CCDC124: variants seen among roughly 807,000 people sequenced by gnomAD.
CCDC124 encodes the protein coiled-coil domain-containing protein 124.
CCDC124 carries 9 observed loss-of-function variants against 19.8 expected under a neutral mutation model. That is an observed-to-expected ratio of 0.45 (90% CI 0.27 to 0.79). The LOEUF is 0.79. Ranked by LOEUF, CCDC124 falls within the 30% of genes least tolerant of loss-of-function variation. The pLI, the probability that CCDC124 is intolerant of heterozygous loss-of-function variation, is 0.14. For synonymous variants in CCDC124, 126 were observed against 131.3 expected (o/e 0.96, Z 0.27); for missense variants, 285 against 319.0 (o/e 0.89, Z 0.81).
intron 2 of CCDC124, among the ~76,000 whole-genome samples, chr19:17,937,998 G>T (rs952697543): frequency 1.3e-5 from 2 of 152,148 alleles, no homozygotes; most frequent in Non-Finnish European, 2.9e-5. Context: ...CTCCCAAAAT[G>T]CTGAGATCAC....
intron 2 of CCDC124, among the ~76,000 whole-genome samples, chr19:17,940,177 T>C (rs1256649477): frequency 6.6e-6 from 1 of 152,056 alleles, no homozygotes. Context: ...CCTCCCAAAG[T>C]GCTGGAATTA....
chr19:17,942,756 C>T lies in CCDC124; in HGVS notation c.260C>T (p.Pro87Leu). 1 of 1,548,766 alleles carries T rather than the reference C, an allele frequency of 6.5e-7. No homozygotes were observed. The highest frequency in any genetic ancestry group is 8.7e-7 in the Non-Finnish European group (1 of 1,146,730). Reference sequence around the variant, plus strand: ...TCCAAGCTCAAGGGCGGCAAGGCGCCGCGGGTGGCCACGTCCAGCAAGGTC... The same window carrying T: ...TCCAAGCTCAAGGGCGGCAAGGCGCTGCGGGTGGCCACGTCCAGCAAGGTC... ...EDSKLKGGKAPRVATSSKVTR... is the reference protein window; with the variant it reads ...EDSKLKGGKALRVATSSKVTR... The change falls in exon 3 of 5, where the codon CCG becomes CTG. Residue 87 changes from proline to leucine, a missense_variant. Physicochemically the swap from Pro to Leu is moderately conservative, Grantham distance 98. Coordinates refer to ENST00000445755, the MANE Select transcript of CCDC124 (RefSeq NM_001136203.2). This position sits in a 1 kb window ranked among gnomAD's most constrained non-coding sequence, Gnocchi z 4.2.
chr19:17,943,898 CCCCATCCCCT>C lies in CCDC124; in HGVS notation c.*193_*202del. 1 of 620,092 alleles carries C rather than the reference CCCCATCCCCT, an allele frequency of 1.6e-6. No individual in the cohort carries two copies. Among genetic ancestry groups the C allele is most frequent in the Non-Finnish European group, 2.8e-6 (1 of 353,708 alleles). The allele number at this position is 620,092 out of a possible 1,614,324, so 38.4% of individuals were successfully genotyped here. A position where few individuals can be genotyped will look rare whatever the true frequency, so the allele number is the denominator to read the frequency against. On this transcript the variant is annotated 3_prime_UTR_variant, in exon 5 of 5. Transcript: ENST00000445755. ...CAGAGGGTCCCTGCCCCGAGTGACA[CCCCATCCCCT>C]CCCATCCCCCGGCGCGTGTGTGTAG...
At chr19:17,936,718 C>T (rs1478195561) in intron 2 of CCDC124, 139 bp downstream of exon 2, 13 of 1,060,480 alleles carry the variant, frequency 1.2e-5, no homozygotes, top group South Asian at 5.1e-5. Context: ...CTGTCGCTCA[C>T]GCCTGTCATC....
rs1020416778 is a variant in CCDC124 at position 17,943,775 on chromosome 19, C to T, written c.*60C>T. Reference sequence around the variant, plus strand: ...GGTCCAGGTCACGACTCTGCACGCCCTTAGGCCAGGTCAGCTGCGAGGGTC... The same window carrying T: ...GGTCCAGGTCACGACTCTGCACGCCTTTAGGCCAGGTCAGCTGCGAGGGTC... On this transcript the variant is annotated 3_prime_UTR_variant, in exon 5 of 5. Coordinates refer to ENST00000445755, the MANE Select transcript of CCDC124 (RefSeq NM_001136203.2). 1 of 1,529,480 alleles carries T rather than the reference C, an allele frequency of 6.5e-7. No homozygotes were observed. Among genetic ancestry groups the T allele is most frequent in the Non-Finnish European group, 9.0e-7 (1 of 1,116,412 alleles). The allele number at this position is 1,529,480 out of a possible 1,614,324, so 94.7% of individuals were successfully genotyped here. A position where few individuals can be genotyped will look rare whatever the true frequency, so the allele number is the denominator to read the frequency against.
intron 2 of CCDC124, 166 bp downstream of exon 2, chr19:17,936,745 C>G: frequency 1.3e-6 from 1 of 768,276 alleles, no homozygotes; most frequent in Non-Finnish European, 2.0e-6. Context: ...CTTTGGGAGG[C>G]CGAGGCAGGC....
At position 17,942,081 on chromosome 19, in the gene CCDC124, G is replaced by A. The variant is rs1942743592; in HGVS notation, c.160-575G>A. ...AGCCAGCATCAGGGCTTCCCTGGGC[G>A]GCCGATGTGGAATCAGTTTCAGCCT... On this transcript the variant is annotated intron_variant, in intron 2 of 4. Transcript: ENST00000445755. The surrounding 1 kb of genome is among the most constrained non-coding windows in gnomAD (Gnocchi z 4.2). Among the ~76,000 whole-genome samples the A allele has an allele frequency of 6.6e-6, 1 of 152,126 alleles. No homozygotes were observed. The highest frequency in any genetic ancestry group is 1.5e-5 in the Non-Finnish European group (1 of 67,998).
At chr19:17,937,491 T>C (rs2031090974) in intron 2 of CCDC124, among the ~76,000 whole-genome samples, 1 of 152,074 alleles carries the variant, frequency 6.6e-6, no homozygotes, top group African/African-American at 2.4e-5. Context: ...ACTCTGCCCC[T>C]GAGGACGCTT....
At chr19:17,934,231 C>T (rs572190431) in intron 1 of CCDC124, among the ~76,000 whole-genome samples, 1 of 151,548 alleles carries the variant, frequency 6.6e-6, no homozygotes, top group South Asian at 2.1e-4. Context: ...TATAAAAATA[C>T]AAAAATTAGC....
At chr19:17,938,437 G>A (rs1013952564) in intron 2 of CCDC124, among the ~76,000 whole-genome samples, 2 of 152,124 alleles carry the variant, frequency 1.3e-5, no homozygotes, top group Non-Finnish European at 1.5e-5. Context: ...AGTAGGTGGC[G>A]CCAGTGACCC....
chr19:17,936,313 C>G lies in CCDC124; in HGVS notation c.-11-97C>G, dbSNP rs1281460580. 15 of 1,047,714 alleles carry G rather than the reference C, an allele frequency of 1.4e-5. No individual in the cohort carries two copies. In the East Asian group the frequency reaches 3.6e-4, roughly 25 times the overall value. 64.9% of individuals were successfully genotyped at this position (1,047,714 alleles called of 1,614,324 possible). A position where few individuals can be genotyped will look rare whatever the true frequency, so the allele number is the denominator to read the frequency against. On this transcript the variant is annotated intron_variant, in intron 1 of 4. Transcript: ENST00000445755. ...TTATACAGAGAAGGCCACAGAGGCC[C>G]CAAGAGGGTCATGGCTGCCCAAGTG... is the stretch of plus-strand genomic sequence containing the variant.
At chr19:17,941,281 C>T (rs2031174285) in intron 2 of CCDC124, among the ~76,000 whole-genome samples, 1 of 151,934 alleles carries the variant, frequency 6.6e-6, no homozygotes, top group Admixed American at 6.6e-5. Context: ...GAGGCCAAGG[C>T]AGGCAGATCA....
Position 17,942,506 on chromosome 19 carries a change from G to A in CCDC124, c.160-150G>A. On this transcript the variant is annotated intron_variant, in intron 2 of 4. Coordinates refer to ENST00000445755, the MANE Select transcript of CCDC124 (RefSeq NM_001136203.2). The surrounding 1 kb of genome is among the most constrained non-coding windows in gnomAD (Gnocchi z 4.2). ...GGCCTCACATCCCCCGCCCAGGGCA[G>A]CACCGGGACCTATCTTGTTCCTGGT... 1.2e-6 allele frequency: 1 copy of A among 864,580 alleles called. No homozygotes were observed. 53.6% of individuals were successfully genotyped at this position (864,580 alleles called of 1,614,324 possible).
At position 17,943,762 on chromosome 19, in the gene CCDC124, G is replaced by A. The variant is rs2031247848; in HGVS notation, c.*47G>A. On this transcript the variant is annotated 3_prime_UTR_variant, in exon 5 of 5. Coordinates refer to ENST00000445755, the MANE Select transcript of CCDC124 (RefSeq NM_001136203.2). ...TTCACCCACGGGTGGTCCAGGTCAC[G>A]ACTCTGCACGCCCTTAGGCCAGGTC... 2 of 1,568,850 alleles carry A rather than the reference G, an allele frequency of 1.3e-6. No homozygotes were observed. Among genetic ancestry groups the A allele is most frequent in the Non-Finnish European group, 1.7e-6 (2 of 1,147,404 alleles).
intron 2 of CCDC124, among the ~76,000 whole-genome samples, chr19:17,938,736 C>T (rs1419444897): frequency 2.6e-5 from 4 of 152,098 alleles, no homozygotes; most frequent in East Asian, 1.9e-4. Context: ...GGACTATAGG[C>T]GTGCACCACC....
chr19:17,937,808 A>T (rs1364148387), intron 2 of CCDC124, among the ~76,000 whole-genome samples: 1 of 152,034 alleles, frequency 6.6e-6, no homozygotes, highest in Non-Finnish European at 1.5e-5. Context: ...ATCTCAGTTC[A>T]CCGCAACCTT....
intron 1 of CCDC124, among the ~76,000 whole-genome samples, chr19:17,935,424 C>G (rs1173965262): frequency 6.6e-6 from 1 of 151,324 alleles, no homozygotes. Context: ...GAATTGTACA[C>G]CTTTTTTTTT....
At chr19:17,940,063 G>A (rs1257000940) in intron 2 of CCDC124, among the ~76,000 whole-genome samples, 2 of 147,076 alleles carry the variant, frequency 1.4e-5, no homozygotes, top group Non-Finnish European at 3.0e-5. Flanking sequence ...TACAGGCATG[G>A]CACCATGCCT....
chr19:17,943,329 G>T lies in CCDC124; in HGVS notation c.418G>T (p.Gly140Cys). Residue 140 changes from glycine (G) to cysteine (C), a missense_variant, in exon 4 of 5, where the codon GGC (glycine) becomes TGC (cysteine). Coordinates refer to ENST00000445755, the MANE Select transcript of CCDC124 (RefSeq NM_001136203.2). ...CGTGAACCGCCGCGTGCTGGAGGAG[G>T]GCAGCGTGGAGGCGCGCACCATCGA... ...ENVNRRVLEEGSVEARTIEDA... is the reference protein window; with the variant it reads ...ENVNRRVLEECSVEARTIEDA... 6.3e-7 allele frequency: 1 copy of T among 1,597,272 alleles called. No homozygotes were observed. The highest frequency in any genetic ancestry group is 8.5e-7 in the Non-Finnish European group (1 of 1,175,172).
Sources: gnomAD v4.1 joint callset for allele counts (sites outside exome capture counted in the v4.1 genomes callset) on GRCh38, gnomAD v4.1.1 for gene constraint, Gnocchi (gnomAD v3.1) non-coding constraint, MANE v1.5 for transcripts, NCBI Gene and HGNC (gene_info 2026-07-23, HGNC 2026-07-21) for gene names.